RORA: variants seen among roughly 807,000 people sequenced by gnomAD.
RORA encodes the protein nuclear receptor ROR-alpha.
Under a neutral mutation model 69.5 loss-of-function variants are expected in RORA, and 7 were observed. The observed-to-expected ratio is 0.10, with a 90% CI of 0.06 to 0.19. The LOEUF is 0.19. Among genes scored for constraint, RORA ranks in the 10% least tolerant of loss-of-function variants. The pLI is 1.00. For synonymous variants in RORA, 261 were observed against 240.8 expected, an observed-to-expected ratio of 1.08 and a Z score of -0.78; for missense variants, 457 against 663.0, an observed-to-expected ratio of 0.69 and a Z score of 3.41.
At chr15:60,723,254 A>G (rs537392447) in intron 1 of RORA, among the ~76,000 whole-genome samples, 2 of 152,302 alleles carry the variant, frequency 1.3e-5, no homozygotes, top group African/African-American at 2.4e-5. Flanking sequence ...TATTTTAGCA[A>G]TAGCAGCTAC....
chr15:60,984,430 TATAATA>T (rs1371095275), intron 1 of RORA, among the ~76,000 whole-genome samples: 1 of 150,894 alleles, frequency 6.6e-6, no homozygotes, highest in African/African-American at 2.4e-5. Flanking sequence ...TTAATATTAG[TATAATA>T]ATAATAGTTA....
chr15:60,713,516 T>C (rs1277943508), intron 1 of RORA, among the ~76,000 whole-genome samples: 1 of 152,102 alleles, frequency 6.6e-6, no homozygotes, highest in Admixed American at 6.5e-5. Flanking sequence ...GAGGAAAAGA[T>C]CCAAAATTAA....
At chr15:60,584,509 T>C (rs1431365890) in intron 2 of RORA, among the ~76,000 whole-genome samples, 1 of 152,232 alleles carries the variant, frequency 6.6e-6, no homozygotes, top group African/African-American at 2.4e-5. Flanking sequence ...TCTGACTAAG[T>C]GTGGCTGCCA....
chr15:60,510,631 G>A lies in RORA; in HGVS notation c.820+595C>T, dbSNP rs543992096. The A allele has an allele frequency of 1.1e-3, 175 of 152,638 alleles. 1 individual carries two copies. Among genetic ancestry groups the A allele is most frequent in the South Asian group, 0.01 (49 of 4,820 alleles). 9.5% of individuals were successfully genotyped at this position (152,638 alleles called of 1,614,324 possible). On this transcript the variant is annotated intron_variant, in intron 5 of 10. Transcript: ENST00000335670. ...GGGCTGTGCATATGATATAAATGGC[G>A]GGAGTCAGGTGGGCCCATTGAAAGG...
intron 1 of RORA, among the ~76,000 whole-genome samples, chr15:61,019,833 G>A (rs1895442300): frequency 6.6e-6 from 1 of 152,108 alleles, no homozygotes; most frequent in South Asian, 2.1e-4. Flanking sequence ...CACTGACGGG[G>A]CCTGCCTGCC....
chr15:60,518,826 CTGTATGG>C (rs149322249), intron 3 of RORA, among the ~76,000 whole-genome samples: 3,769 of 152,272 alleles, frequency 0.025, 166 homozygotes, highest in African/African-American at 0.087. Context: ...CATGTGTCCC[CTGTATGG>C]TGTGGCATGG....
At chr15:60,609,043 TATTTCATTA>T (rs1394634639) in intron 2 of RORA, among the ~76,000 whole-genome samples, 2 of 152,212 alleles carry the variant, frequency 1.3e-5, no homozygotes, top group East Asian at 3.8e-4. Context: ...TATGGCCCTG[TATTTCATTA>T]ATTTCATTAA....
At chr15:61,006,232 G>T (rs113253408) in intron 1 of RORA, among the ~76,000 whole-genome samples, 16,090 of 151,948 alleles carry the variant, frequency 0.11, 993 homozygotes, top group East Asian at 0.21. Flanking sequence ...CTCCCAAAGT[G>T]CTGGGATTAC....
In RORA at chr15:60,703,104, C is replaced by T. The variant is rs377459355; in HGVS notation, c.167-24418G>A. Among the ~76,000 whole-genome samples the T allele has an allele frequency of 1.1e-3, 170 of 150,098 alleles. 1 individual carries two copies. Among genetic ancestry groups the T allele is most frequent in the African/African-American group, 4.1e-3 (165 of 40,688 alleles). On this transcript the variant is annotated intron_variant, in intron 1 of 10. Coordinates refer to ENST00000335670, the MANE Select transcript of RORA (RefSeq NM_134261.3). ...CAGTGTGGATGGTGACATAATGGAG[C>T]AAGGAGACGATGCTTCAGATTAACA...
chr15:61,209,089 G>A (rs1037647184), intron 1 of RORA, among the ~76,000 whole-genome samples: 1 of 152,138 alleles, frequency 6.6e-6, no homozygotes, highest in Admixed American at 6.5e-5. Context: ...GAGTTTTTCA[G>A]AAGCTGAATC....
At chr15:60,549,910 C>G (rs2067182389) in intron 2 of RORA, among the ~76,000 whole-genome samples, 2 of 152,168 alleles carry the variant, frequency 1.3e-5, no homozygotes, top group South Asian at 4.1e-4. Flanking sequence ...GACAACATAG[C>G]TCATTTTATG....
intron 1 of RORA, among the ~76,000 whole-genome samples, chr15:61,141,717 G>A (rs2079300485): frequency 6.6e-6 from 1 of 152,186 alleles, no homozygotes; most frequent in Non-Finnish European, 1.5e-5. Flanking sequence ...GCTTTATCAG[G>A]CACACAGCAA....
intron 2 of RORA, among the ~76,000 whole-genome samples, chr15:60,658,948 C>T (rs2070262820): frequency 6.6e-6 from 1 of 152,194 alleles, no homozygotes; most frequent in Admixed American, 6.5e-5. Flanking sequence ...TTCCTCCTTT[C>T]TACCTAGACT....
chr15:60,730,082 G>A (rs1273960800), intron 1 of RORA, among the ~76,000 whole-genome samples: 1 of 152,120 alleles, frequency 6.6e-6, no homozygotes, highest in Non-Finnish European at 1.5e-5. Flanking sequence ...TGTTGGGGAA[G>A]GAGTTTTCAA....
At chr15:60,932,084 A>T (rs577503020) in intron 1 of RORA, among the ~76,000 whole-genome samples, 2 of 152,128 alleles carry the variant, frequency 1.3e-5, no homozygotes, top group Non-Finnish European at 2.9e-5. Context: ...GGCAACTTCT[A>T]TTTGGAATAA....
chr15:60,943,916 C>CAAAAAAAAAAAAAA lies in RORA; in HGVS notation c.167-265244_167-265231dup, dbSNP rs545168599. 5.8e-3 allele frequency among the ~76,000 whole-genome samples: 188 copies of CAAAAAAAAAAAAAA among 32,352 alleles called. 22 individuals are homozygous for CAAAAAAAAAAAAAA. Among genetic ancestry groups the CAAAAAAAAAAAAAA allele is most frequent in the African/African-American group, 0.02 (180 of 9,024 alleles). The allele number at this position is 32,352 out of a possible 152,430, so 21.2% of individuals were successfully genotyped here. On this transcript the variant is annotated intron_variant, in intron 1 of 10. Transcript: ENST00000335670. ...GGGTGACAGAGCCAGACTCCATCTCCAAAAAAAAAAAAAAAAAAAAAAAAG... is the reference window on the plus strand; with the variant it reads ...GGGTGACAGAGCCAGACTCCATCTCCAAAAAAAAAAAAAAAAAAAAAAAAAAAAAAAAAAAAAAG...
chr15:60,908,738 A>T (rs1891616651), intron 1 of RORA, among the ~76,000 whole-genome samples: 1 of 152,090 alleles, frequency 6.6e-6, no homozygotes, highest in South Asian at 2.1e-4. Context: ...GCTAAATATT[A>T]AGCTTATTAC....
Position 60,607,748 on chromosome 15 carries a change from C to A in RORA, c.196+70909G>T, listed in dbSNP as rs28423044. Among the ~76,000 whole-genome samples the A allele has an allele frequency of 3.5e-3, 526 of 152,244 alleles. 6 individuals are homozygous for A. The highest frequency in any genetic ancestry group is 0.011 in the African/African-American group (459 of 41,532). On this transcript the variant is annotated intron_variant, in intron 2 of 10. Transcript: ENST00000335670. Reference sequence around the variant, plus strand: ...TCAGGGCTCAAGTTTATTTATACATCATTCTGTGAAGGTATTTGTTGCAAT... The same window carrying A: ...TCAGGGCTCAAGTTTATTTATACATAATTCTGTGAAGGTATTTGTTGCAAT...
chr15:60,882,668 CACAA>C (rs1250314722), intron 1 of RORA, among the ~76,000 whole-genome samples: 3 of 142,700 alleles, frequency 2.1e-5, no homozygotes, highest in South Asian at 2.2e-4. Flanking sequence ...CACACACACA[CACAA>C]ACACACACAC....
Sources: allele counts gnomAD v4.1 joint callset (sites outside exome capture counted in the v4.1 genomes callset), GRCh38; gene constraint gnomAD v4.1.1; transcripts MANE v1.5; gene names NCBI Gene and HGNC (gene_info 2026-07-23, HGNC 2026-07-21).